SH3TC1: variants seen among roughly 807,000 people sequenced by gnomAD.
SH3TC1 encodes SH3 domain and tetratricopeptide repeat-containing protein 1.
Under a neutral mutation model 117.3 loss-of-function variants are expected in SH3TC1, and 135 were observed. That is an observed-to-expected ratio of 1.15 (90% CI 1.00 to 1.33). The LOEUF is 1.33. SH3TC1 is among the 40% of genes most tolerant of loss of function. The probability of loss-of-function intolerance (pLI) is 0.00; values close to 1 mark genes in which losing one functional copy is unlikely to be tolerated. For missense variants in SH3TC1, 2,092 were observed against 1,794.3 expected, an observed-to-expected ratio of 1.17 and a Z score of -3.00; for synonymous variants, 898 against 816.9, an observed-to-expected ratio of 1.10 and a Z score of -1.69.
At chr4:8,235,061 G>T (rs73224064) in intron 14 of SH3TC1, among the ~76,000 whole-genome samples, 118 of 152,374 alleles carry the variant, frequency 7.7e-4, no homozygotes, top group Non-Finnish European at 1.3e-3. Flanking sequence ...AAACACTGTT[G>T]ATGTGGGGTC....
At position 8,231,944 on chromosome 4, in the gene SH3TC1, G is replaced by A. The variant is rs200797472; in HGVS notation, c.2951-32G>A. On this transcript the variant is annotated intron_variant, in intron 12 of 17. Coordinates refer to ENST00000245105, the MANE Select transcript of SH3TC1 (RefSeq NM_018986.5). ...AGCCAGCCTCGCTTCAATGCTGGGA[G>A]GCTGACGTCTTCCTTTTTGTCTTCT... 14 of 1,605,200 alleles carry A rather than the reference G, an allele frequency of 8.7e-6. No homozygotes were observed. In the African/African-American group the frequency reaches 1.2e-4, roughly 14 times the overall value.
At position 8,233,871 on chromosome 4, in the gene SH3TC1, TATCATCCTTCCATTCATCCATCC is replaced by T. The variant is rs1346413041; in HGVS notation, c.3282+366_3282+388del. Among the ~76,000 whole-genome samples, 6 of 144,976 alleles carry T rather than the reference TATCATCCTTCCATTCATCCATCC, an allele frequency of 4.1e-5. No individual in the cohort carries two copies. In the East Asian group the frequency reaches 1.3e-3, roughly 32 times the overall value. On this transcript the variant is annotated intron_variant, in intron 14 of 17. Coordinates refer to ENST00000245105, the MANE Select transcript of SH3TC1 (RefSeq NM_018986.5). ...TCCTTCCATCATCCATCCATTCACC[TATCATCCTTCCATTCATCCATCC>T]ATCATCCATCCATCCATCATTCATC...
In SH3TC1 at chr4:8,192,650, C is replaced by T. The variant is rs549903946; in HGVS notation, c.-57+10440C>T. 1.6e-4 allele frequency among the ~76,000 whole-genome samples: 24 copies of T among 152,004 alleles called. No individual in the cohort carries two copies. The highest frequency in any genetic ancestry group is 5.1e-4 in the African/African-American group (21 of 41,376). On this transcript the variant is annotated intron_variant, in intron 1 of 16. Coordinates refer to the SH3TC1 transcript ENST00000508641. The surrounding 1 kb of genome is among the most constrained non-coding windows in gnomAD (Gnocchi z 4.1). ...CTGGGATCACAGGCGTGTGCCACAACGCCCAGCTAATTTTTGTATTTTTAG... is the reference window on the plus strand; with the variant it reads ...CTGGGATCACAGGCGTGTGCCACAATGCCCAGCTAATTTTTGTATTTTTAG...
At chr4:8,239,864 G>A (rs746706422) in intron 17 of SH3TC1, among the ~76,000 whole-genome samples, 5 of 152,246 alleles carry the variant, frequency 3.3e-5, no homozygotes, top group South Asian at 2.1e-4. Context: ...CCGGCACAGA[G>A]TCCAGTGTTC....
Position 8,192,708 on chromosome 4 carries a change from G to A in SH3TC1, c.-57+10498G>A, listed in dbSNP as rs1057382185. 6.6e-6 allele frequency among the ~76,000 whole-genome samples: 1 copy of A among 151,890 alleles called. No individual in the cohort carries two copies. The highest frequency in any genetic ancestry group is 2.4e-5 in the African/African-American group (1 of 41,332). Reference sequence around the variant, plus strand: ...GGGGTTTCACTGTGTTGGTCAGGCTGGTCTCAAACTCCTGACCTCGTGATC... The same window carrying A: ...GGGGTTTCACTGTGTTGGTCAGGCTAGTCTCAAACTCCTGACCTCGTGATC... On this transcript the variant is annotated intron_variant, in intron 1 of 16. Transcript: ENST00000508641. This position sits in a 1 kb window ranked among gnomAD's most constrained non-coding sequence, Gnocchi z 4.1.
rs897018306 is a variant in SH3TC1, at chr4:8,210,329, G to A, written c.247+507G>A. Reference sequence around the variant, plus strand: ...GGAGACCCCCCAACCCCCCGCTGGGGAGGAATGGAGACCCCAGCATCCATT... The same window carrying A: ...GGAGACCCCCCAACCCCCCGCTGGGAAGGAATGGAGACCCCAGCATCCATT... On this transcript the variant is annotated intron_variant, in intron 3 of 17. Coordinates refer to ENST00000245105, the MANE Select transcript of SH3TC1 (RefSeq NM_018986.5). This position sits in a 1 kb window ranked among gnomAD's most constrained non-coding sequence, Gnocchi z 4.1. 1.2e-4 allele frequency among the ~76,000 whole-genome samples: 19 copies of A among 152,376 alleles called. No homozygotes were observed. In the East Asian group the frequency reaches 1.9e-3, roughly 15 times the overall value.
At position 8,227,317 on chromosome 4, in the gene SH3TC1, G is replaced by A; in HGVS notation, c.1623G>A (p.Gly541=). 1 of 1,610,282 alleles carries A rather than the reference G, an allele frequency of 6.2e-7. No individual in the cohort carries two copies. Among genetic ancestry groups the A allele is most frequent in the African/African-American group, 1.3e-5 (1 of 75,018 alleles). Residue 541 remains glycine (G), a synonymous_variant, in exon 12 of 18, where the codon GGG becomes GGA. Coordinates refer to ENST00000245105, the MANE Select transcript of SH3TC1 (RefSeq NM_018986.5). ...TCAGCGACGAGGAGGAGCTGACTGG[G>A]CGCCTGGCACAGGCCCGGGGGGCGG... ...RSFSDEEELT[G]RLAQARGAAK...
chr4:8,239,263 A>G (rs368299292), intron 17 of SH3TC1, among the ~76,000 whole-genome samples: 98 of 151,558 alleles, frequency 6.5e-4, no homozygotes, highest in African/African-American at 2.2e-3. Context: ...ACACACACAC[A>G]CAGAGACACA....
At position 8,227,745 on chromosome 4, in the gene SH3TC1, C is replaced by T; in HGVS notation, c.2051C>T (p.Ala684Val). 4 of 1,608,732 alleles carry T rather than the reference C, an allele frequency of 2.5e-6. No individual in the cohort carries two copies. Among genetic ancestry groups the T allele is most frequent in the Non-Finnish European group, 2.5e-6 (3 of 1,177,484 alleles). Residue 684 changes from alanine (A) to valine (V), a missense_variant, in exon 12 of 18, where the codon GCC becomes GTC. Coordinates refer to ENST00000245105, the MANE Select transcript of SH3TC1 (RefSeq NM_018986.5). Reference protein sequence around the residue: ...HHVHLKQPEEALPFLERLLLL... With the variant: ...HHVHLKQPEEVLPFLERLLLL... ...GTGCACCTCAAGCAGCCCGAGGAGG[C>T]CCTGCCCTTCCTAGAGCGGCTGCTG...
At chr4:8,218,848 C>T (rs1337845190) in intron 8 of SH3TC1, among the ~76,000 whole-genome samples, 1 of 152,200 alleles carries the variant, frequency 6.6e-6, no homozygotes, top group African/African-American at 2.4e-5. Flanking sequence ...CCTTGGATGC[C>T]GGGTCCAGCG....
intron 12 of SH3TC1, 39 bp downstream of exon 12, chr4:8,228,683 A>G: frequency 2.8e-6 from 4 of 1,405,858 alleles, no homozygotes; most frequent in South Asian, 1.5e-5. Flanking sequence ...TTCCGGGGCC[A>G]CTCGGGTCAG....
At chr4:8,238,431 G>A (rs961042975) in intron 17 of SH3TC1, among the ~76,000 whole-genome samples, 3 of 152,180 alleles carry the variant, frequency 2.0e-5, no homozygotes, top group Admixed American at 1.3e-4. Flanking sequence ...CCCAGCAGGC[G>A]CCCGCCCCTA....
At chr4:8,218,490 T>C in intron 8 of SH3TC1, 143 bp downstream of exon 8, 2 of 575,858 alleles carry the variant, frequency 3.5e-6, no homozygotes, top group Non-Finnish European at 5.9e-6. Flanking sequence ...GTTTTTGTTA[T>C]TGCTTTCAAT....
At chr4:8,235,117 T>C (rs1270341428) in intron 14 of SH3TC1, among the ~76,000 whole-genome samples, 2 of 152,186 alleles carry the variant, frequency 1.3e-5, no homozygotes, top group Non-Finnish European at 1.5e-5. Flanking sequence ...AGCCAGGGGA[T>C]GGGCTCCCAG....
rs984331603 is a variant in SH3TC1, at chr4:8,227,665, T to C, written c.1971T>C (p.Gly657=). The change falls in exon 12 of 18, where the codon GGT becomes GGC. Residue 657 remains glycine, a synonymous_variant. Transcript: ENST00000245105. The part of the protein sequence containing the change: ...LLQLALRRAV[G]GQSLQAEARA... ...AGCTGGCGCTGCGGCGGGCGGTGGG[T>C]GGCCAGAGCCTGCAGGCCGAGGCCC... 2.6e-6 allele frequency: 4 copies of C among 1,529,348 alleles called. No individual in the cohort carries two copies. In the South Asian group the frequency reaches 3.9e-5, roughly 15 times the overall value. The allele number at this position is 1,529,348 out of a possible 1,614,324, so 94.7% of individuals were successfully genotyped here.
chr4:8,209,983 T>C lies in SH3TC1; in HGVS notation c.247+161T>C, dbSNP rs1718512796. Among the ~76,000 whole-genome samples, 1 of 151,736 alleles carries C rather than the reference T, an allele frequency of 6.6e-6. No individual in the cohort carries two copies. Among genetic ancestry groups the C allele is most frequent in the African/African-American group, 2.4e-5 (1 of 41,414 alleles). On this transcript the variant is annotated intron_variant, in intron 3 of 17. Coordinates refer to ENST00000245105, the MANE Select transcript of SH3TC1 (RefSeq NM_018986.5). The surrounding 1 kb of genome is among the most constrained non-coding windows in gnomAD (Gnocchi z 5.9). ...GAAAGAAGGGTTTGTTAAATGCGCA[T>C]GCCCAGGTCCTGCACCCAGAGGGGG...
chr4:8,203,342 G>C (rs1463398854), intron 1 of SH3TC1, among the ~76,000 whole-genome samples: 1 of 152,084 alleles, frequency 6.6e-6, no homozygotes, highest in Non-Finnish European at 1.5e-5. Flanking sequence ...CAGAGCCTCA[G>C]TTTCCCCATC....
Position 8,233,489 on chromosome 4 carries a change from C to A in SH3TC1, c.3258C>A (p.Ser1086Arg), listed in dbSNP as rs573581730. 2 of 1,612,114 alleles carry A rather than the reference C, an allele frequency of 1.2e-6. No homozygotes were observed. The highest frequency in any genetic ancestry group is 1.7e-6 in the Non-Finnish European group (2 of 1,179,134). Reference sequence around the variant, plus strand: ...AGATCTATTACATCTTGCGGCAGAGCGAGCTGGTGGACCTCTACATCCAGG... The same window carrying A: ...AGATCTATTACATCTTGCGGCAGAGAGAGCTGGTGGACCTCTACATCCAGG... The part of the protein sequence containing the change: ...AGKIYYILRQ[S>R]ELVDLYIQVA... Residue 1086 changes from serine (S) to arginine (R), a missense_variant, in exon 14 of 18, where the codon AGC becomes AGA. Physicochemically the swap from Ser to Arg is moderately radical, Grantham distance 110. Transcript: ENST00000245105.
Position 8,216,948 on chromosome 4 carries a change from CT to C in SH3TC1, c.629-5del, listed in dbSNP as rs754578196. ...GCCACCCTCAGTGACCACCTCCATC[CT>C]TTTGAAGGGCCCTTCTTTGTCCTGT... On this transcript the variant is annotated splice_region_variant and splice_polypyrimidine_tract_variant and intron_variant, in intron 6 of 17. Transcript: ENST00000245105. 2 of 1,614,038 alleles carry C rather than the reference CT, an allele frequency of 1.2e-6. No homozygotes were observed. Among genetic ancestry groups the C allele is most frequent in the East Asian group, 2.2e-5 (1 of 44,876 alleles).
Sources: gnomAD v4.1 joint callset for allele counts (sites outside exome capture counted in the v4.1 genomes callset) on GRCh38, gnomAD v4.1.1 for gene constraint, Gnocchi (gnomAD v3.1) non-coding constraint, MANE v1.5 for transcripts, NCBI Gene and HGNC (gene_info 2026-07-23, HGNC 2026-07-21) for gene names.